SEZ6L: variants seen among roughly 807,000 people sequenced by gnomAD.
SEZ6L encodes the protein seizure 6-like protein.
Under a neutral mutation model 106.2 loss-of-function variants are expected in SEZ6L, and 37 were observed. The ratio of observed to expected loss-of-function variants is 0.35; its 90% CI spans 0.27 to 0.46. The LOEUF is 0.46. SEZ6L is among the 20% of genes least tolerant of loss of function. The probability of loss-of-function intolerance (pLI) is 1.00; values close to 1 mark genes in which losing one functional copy is unlikely to be tolerated. For missense variants in SEZ6L, 1,172 were observed against 1,332.8 expected (o/e 0.88, Z 1.88); for synonymous variants, 541 against 570.4 (o/e 0.95, Z 0.73).
At chr22:26,354,973 T>G (rs1215872316) in intron 12 of SEZ6L, among the ~76,000 whole-genome samples, 1 of 152,234 alleles carries the variant, frequency 6.6e-6, no homozygotes, top group Non-Finnish European at 1.5e-5. Context: ...TGATGGGAGA[T>G]AACGCAGGAG....
chr22:26,348,642 AAGAAAAAGAAAGAAAGAAAG>A (rs1228142407), intron 11 of SEZ6L, among the ~76,000 whole-genome samples: 29 of 31,192 alleles, frequency 9.3e-4, no homozygotes, highest in Admixed American at 2.2e-3. Flanking sequence ...GAAAGAAAGA[AAGAAAAAGAAAGAAAGAAAG>A]AAAGAAAGAA....
Position 26,289,228 on chromosome 22 carries a change from G to A in SEZ6L, c.95-3178G>A, listed in dbSNP as rs143999306. ...TGTGTTGTACCACAGCTGGGTCTTGGAAGCTGGGTGTCCTGACCCCTCCCC... is the reference window on the plus strand; with the variant it reads ...TGTGTTGTACCACAGCTGGGTCTTGAAAGCTGGGTGTCCTGACCCCTCCCC... On this transcript the variant is annotated intron_variant, in intron 1 of 16. Transcript: ENST00000248933. 4.2e-3 allele frequency among the ~76,000 whole-genome samples: 647 copies of A among 152,276 alleles called. 4 individuals carry two copies. The highest frequency in any genetic ancestry group is 0.01 in the Middle Eastern group (3 of 294).
At chr22:26,325,028 G>T (rs2082266877) in intron 9 of SEZ6L, among the ~76,000 whole-genome samples, 3 of 152,132 alleles carry the variant, frequency 2.0e-5, no homozygotes, top group Non-Finnish European at 4.4e-5. Flanking sequence ...GTCTAGGTGG[G>T]CATAGACTGG....
intron 13 of SEZ6L, among the ~76,000 whole-genome samples, chr22:26,372,007 TG>T: frequency 6.6e-6 from 1 of 152,320 alleles, no homozygotes; most frequent in Middle Eastern, 3.4e-3. Flanking sequence ...GACTGGGACT[TG>T]GGGACCCCGG....
At chr22:26,348,569 A>AG (rs2083096440) in intron 11 of SEZ6L, among the ~76,000 whole-genome samples, 1 of 86,534 alleles carries the variant, frequency 1.2e-5, no homozygotes, top group Non-Finnish European at 2.0e-5. Flanking sequence ...AAGGGAGGAA[A>AG]GAAAGAAAGA....
chr22:26,253,787 T>G (rs1012340527), intron 1 of SEZ6L, among the ~76,000 whole-genome samples: 47 of 152,220 alleles, frequency 3.1e-4, no homozygotes, highest in Non-Finnish European at 1.6e-4. Flanking sequence ...TATAAATAAG[T>G]ATACAGTATA....
rs760398959 is a variant in SEZ6L, at chr22:26,293,134, G to C, written c.823G>C (p.Glu275Gln). 2 of 1,549,520 alleles carry C rather than the reference G, an allele frequency of 1.3e-6. No homozygotes were observed. The highest frequency in any genetic ancestry group is 2.4e-5 in the South Asian group (2 of 83,884). The change falls in exon 2 of 17, where the codon GAG becomes CAG. Residue 275 changes from glutamate to glutamine, a missense_variant. Transcript: ENST00000248933. ...TIITTTVITT[E>Q]QAPALCSVSF... ...TATCACCACCACGGTCATCACCACC[G>C]AGCAGGCACCAGGTATGCAGCCCCC...
chr22:26,336,879 C>G (rs1020456370), intron 9 of SEZ6L, among the ~76,000 whole-genome samples: 3 of 152,096 alleles, frequency 2.0e-5, no homozygotes, highest in African/African-American at 7.2e-5. Flanking sequence ...TGACATAAAT[C>G]ATCTGATGTC....
chr22:26,208,401 T>C (rs1941398434), intron 1 of SEZ6L, among the ~76,000 whole-genome samples: 1 of 152,238 alleles, frequency 6.6e-6, no homozygotes, highest in African/African-American at 2.4e-5. Flanking sequence ...TTAGTTACTT[T>C]TATCTGAATA....
At chr22:26,332,147 G>GTTTTTTT (rs752520660) in intron 9 of SEZ6L, among the ~76,000 whole-genome samples, 1 of 114,108 alleles carries the variant, frequency 8.8e-6, no homozygotes, top group African/African-American at 3.4e-5. Context: ...GATTTTCAAT[G>GTTTTTTT]TTTTTTTTTT....
chr22:26,350,213 T>C (rs12628056), intron 11 of SEZ6L, among the ~76,000 whole-genome samples: 2,200 of 81,314 alleles, frequency 0.027, 46 homozygotes, highest in African/African-American at 0.14. Flanking sequence ...TATATACACA[T>C]ATATATATAT....
At chr22:26,335,783 A>T (rs1482427409) in intron 9 of SEZ6L, among the ~76,000 whole-genome samples, 1 of 152,184 alleles carries the variant, frequency 6.6e-6, no homozygotes, top group African/African-American at 2.4e-5. Context: ...AGGCATCCCC[A>T]GTCTGATTTT....
chr22:26,350,950 C>T, intron 11 of SEZ6L, 102 bp from the exon 12 acceptor site: 1 of 1,290,532 alleles, frequency 7.7e-7, no homozygotes. Context: ...GCCACCGCAC[C>T]CGGCCAAGTT....
chr22:26,208,535 T>A (rs886982310), intron 1 of SEZ6L, among the ~76,000 whole-genome samples: 1 of 152,220 alleles, frequency 6.6e-6, no homozygotes, highest in Non-Finnish European at 1.5e-5. Context: ...TTCCATAATT[T>A]ATGATGAGAA....
intron 1 of SEZ6L, among the ~76,000 whole-genome samples, chr22:26,271,788 C>CT (rs777132775): frequency 4.6e-5 from 7 of 152,202 alleles, no homozygotes; most frequent in Non-Finnish European, 8.8e-5. Context: ...AATTAAACCT[C>CT]TTTTTTTCTA....
At chr22:26,245,047 G>A (rs2079285103) in intron 1 of SEZ6L, among the ~76,000 whole-genome samples, 1 of 152,186 alleles carries the variant, frequency 6.6e-6, no homozygotes, top group South Asian at 2.1e-4. Context: ...CCAGAGGCAA[G>A]GAAGCCAGCT....
At chr22:26,257,355 T>G (rs1227874170) in intron 1 of SEZ6L, among the ~76,000 whole-genome samples, 1 of 151,998 alleles carries the variant, frequency 6.6e-6, no homozygotes, top group Non-Finnish European at 1.5e-5. Flanking sequence ...CCCTACAAAA[T>G]CCCATTTAAC....
At chr22:26,317,652 C>T (rs1371028894) in intron 9 of SEZ6L, among the ~76,000 whole-genome samples, 2 of 152,062 alleles carry the variant, frequency 1.3e-5, no homozygotes, top group East Asian at 1.9e-4. Flanking sequence ...GCAGCCGATC[C>T]GGGAACCTCA....
intron 1 of SEZ6L, among the ~76,000 whole-genome samples, chr22:26,280,583 T>C (rs934382407): frequency 6.6e-6 from 1 of 152,132 alleles, no homozygotes; most frequent in African/African-American, 2.4e-5. Flanking sequence ...AGCCAATTTG[T>C]CTATACAGTC....
Sources: allele counts gnomAD v4.1 joint callset (sites outside exome capture counted in the v4.1 genomes callset), GRCh38; gene constraint gnomAD v4.1.1; transcripts MANE v1.5; gene names NCBI Gene and HGNC (gene_info 2026-07-23, HGNC 2026-07-21).